Variants in ITPR2 observed in about 807,000 individuals in gnomAD.
ITPR2 encodes the protein inositol 1,4,5-trisphosphate-gated calcium channel ITPR2.
A neutral mutation model predicts 317.1 loss-of-function variants in ITPR2; 207 were observed. The observed-to-expected ratio is 0.65, with a 90% CI of 0.58 to 0.73. ITPR2 has a LOEUF of 0.73. Among genes scored for constraint, ITPR2 ranks in the 30% least tolerant of loss-of-function variants. The pLI is 0.00. For synonymous variants in ITPR2, 1,156 were observed against 1,149.1 expected (o/e 1.01, Z -0.12); for missense variants, 2,613 against 3,284.0 (o/e 0.80, Z 4.99).
At chr12:26,664,804 T>C (rs1373781199) in intron 14 of ITPR2, among the ~76,000 whole-genome samples, 2 of 152,102 alleles carry the variant, frequency 1.3e-5, no homozygotes, top group African/African-American at 4.8e-5. Flanking sequence ...TATATAATAA[T>C]TACTCGAAAA....
In ITPR2 at chr12:26,656,475, G is replaced by A. The variant is rs2136904331; in HGVS notation, c.2266C>T (p.Leu756=). Residue 756 remains leucine, a synonymous_variant, in exon 19 of 57, where the codon CTG becomes TTG. Transcript: ENST00000381340. ...YLAINQISTQ[L]SVDLILRCVS... Reference sequence around the variant, plus strand: ...CACCGCAGGATCAGGTCTACAGACAGCTGTGTAGAAATCTGGTTTATGGCC... The same window carrying A: ...CACCGCAGGATCAGGTCTACAGACAACTGTGTAGAAATCTGGTTTATGGCC... 1 of 1,614,266 alleles carries A rather than the reference G, an allele frequency of 6.2e-7. No homozygotes were observed.
rs548127344 is a variant in ITPR2 at position 26,719,082 on chromosome 12, C to G, written c.526-2840G>C. ...ACAATGATTACCTTGCCTAACCAAG[C>G]TGAATAAAACTTGCAAGTGAAATGG... On this transcript the variant is annotated intron_variant, in intron 5 of 56. Transcript: ENST00000381340. 4.7e-4 allele frequency among the ~76,000 whole-genome samples: 71 copies of G among 152,188 alleles called. No homozygotes were observed. In the Middle Eastern group the frequency reaches 0.02, roughly 44 times the overall value.
intron 55 of ITPR2, among the ~76,000 whole-genome samples, chr12:26,364,257 A>G (rs1938933661): frequency 6.6e-6 from 1 of 152,214 alleles, no homozygotes; most frequent in African/African-American, 2.4e-5. Flanking sequence ...ACCATCAGGC[A>G]GACTATATTA....
intron 9 of ITPR2, among the ~76,000 whole-genome samples, chr12:26,699,856 A>T (rs1948414326): frequency 6.6e-6 from 1 of 152,198 alleles, no homozygotes; most frequent in Non-Finnish European, 1.5e-5. Context: ...ATTATTTTTT[A>T]AAGAAGGAGG....
At chr12:26,752,999 G>T (rs1445719648) in intron 2 of ITPR2, among the ~76,000 whole-genome samples, 3 of 152,142 alleles carry the variant, frequency 2.0e-5, no homozygotes, top group African/African-American at 7.2e-5. Flanking sequence ...ATACTGAGGT[G>T]ACCCCCCACC....
At chr12:26,758,983 C>T (rs1453672757) in intron 2 of ITPR2, among the ~76,000 whole-genome samples, 1 of 152,214 alleles carries the variant, frequency 6.6e-6, no homozygotes. Flanking sequence ...AAACTTAAAC[C>T]TTCTGGACAT....
At chr12:26,766,654 T>C (rs548189849) in intron 2 of ITPR2, among the ~76,000 whole-genome samples, 1 of 152,326 alleles carries the variant, frequency 6.6e-6, no homozygotes, top group South Asian at 2.1e-4. Context: ...TTTTCTTTTG[T>C]CACCTATGGT....
chr12:26,513,774 A>ACACACC (rs909136529), intron 37 of ITPR2, among the ~76,000 whole-genome samples: 5 of 135,102 alleles, frequency 3.7e-5, no homozygotes, highest in African/African-American at 1.3e-4. Context: ...ACACACACAC[A>ACACACC]CACATGCAAC....
At chr12:26,453,985 A>C (rs1324601728) in intron 45 of ITPR2, among the ~76,000 whole-genome samples, 1 of 152,164 alleles carries the variant, frequency 6.6e-6, no homozygotes, top group African/African-American at 2.4e-5. Context: ...GAGTTGCTTA[A>C]TAAATATTTT....
At chr12:26,552,379 A>G (rs184291264) in intron 36 of ITPR2, among the ~76,000 whole-genome samples, 1 of 152,172 alleles carries the variant, frequency 6.6e-6, no homozygotes, top group East Asian at 1.9e-4. Context: ...TTGCAGAGAT[A>G]GGGTCTTGCT....
At chr12:26,605,115 TAA>T (rs773381558) in intron 26 of ITPR2, among the ~76,000 whole-genome samples, 3 of 87,066 alleles carry the variant, frequency 3.4e-5, no homozygotes, top group African/African-American at 8.2e-5. Flanking sequence ...AAATAAAAAA[TAA>T]AAAATAAAAA....
chr12:26,439,716 C>T (rs1403345404), intron 46 of ITPR2, among the ~76,000 whole-genome samples: 1 of 152,126 alleles, frequency 6.6e-6, no homozygotes, highest in South Asian at 2.1e-4. Flanking sequence ...TGTTCTTAGC[C>T]TCTTCATCCT....
chr12:26,722,441 A>G lies in ITPR2; in HGVS notation c.481T>C (p.Phe161Leu). 1 of 1,613,302 alleles carries G rather than the reference A, an allele frequency of 6.2e-7. No individual in the cohort carries two copies. Among genetic ancestry groups the G allele is most frequent in the Non-Finnish European group, 8.5e-7 (1 of 1,179,496 alleles). The part of the protein sequence containing the change: ...LDAAGNEGSW[F>L]YIHPFWKLRS... The stretch of plus-strand genomic sequence containing the variant: ...AGTTTCCAGAACGGATGAATATAAA[A>G]CCAAGACCCTTCATTTCCTGCAGCA... Residue 161 changes from phenylalanine to leucine, a missense_variant, in exon 5 of 57, where the codon TTT (phenylalanine) becomes CTT (leucine). Coordinates refer to ENST00000381340, the MANE Select transcript of ITPR2 (RefSeq NM_002223.4).
intron 37 of ITPR2, among the ~76,000 whole-genome samples, chr12:26,504,476 C>T (rs552111334): frequency 6.6e-6 from 1 of 150,796 alleles, no homozygotes; most frequent in Non-Finnish European, 1.5e-5. Context: ...ATAAGAAACA[C>T]ATACAGCCAA....
chr12:26,584,381 T>C (rs1293258307), intron 32 of ITPR2, among the ~76,000 whole-genome samples: 1 of 152,212 alleles, frequency 6.6e-6, no homozygotes, highest in Non-Finnish European at 1.5e-5. Flanking sequence ...TGTTCACCAC[T>C]GGACATGCAG....
intron 13 of ITPR2, among the ~76,000 whole-genome samples, chr12:26,668,285 G>A (rs906041069): frequency 7.9e-5 from 12 of 152,282 alleles, no homozygotes; most frequent in African/African-American, 2.9e-4. Context: ...ACAAACATAT[G>A]GCTTCTCTAA....
chr12:26,596,891 T>TGGGTCGTCGTACCAG lies in ITPR2; in HGVS notation c.4245_4246insCTGGTACGACGACCC (p.Cys1415_Ile1416insLeuValArgArgPro). 6.5e-7 allele frequency: 1 copy of TGGGTCGTCGTACCAG among 1,537,144 alleles called. No homozygotes were observed. The highest frequency in any genetic ancestry group is 1.3e-5 in the South Asian group (1 of 77,352). ...GCTTTTGCCAGGCTTACCTCAGGGATGCAGTCGTCATGGGTCACCACCCTC... is the reference window on the plus strand; with the variant it reads ...GCTTTTGCCAGGCTTACCTCAGGGATGGGTCGTCGTACCAGGCAGTCGTCATGGGTCACCACCCTC... On this transcript the variant is annotated inframe_insertion, in exon 31 of 57. Coordinates refer to ENST00000381340, the MANE Select transcript of ITPR2 (RefSeq NM_002223.4).
At chr12:26,764,626 A>G (rs1949689267) in intron 2 of ITPR2, among the ~76,000 whole-genome samples, 1 of 152,060 alleles carries the variant, frequency 6.6e-6, no homozygotes, top group Non-Finnish European at 1.5e-5. Flanking sequence ...ATAAATAAAT[A>G]AACCACAAAG....
intron 10 of ITPR2, among the ~76,000 whole-genome samples, chr12:26,691,396 AAAATACATT>A (rs1948237867): frequency 6.6e-6 from 1 of 152,214 alleles, no homozygotes; most frequent in Middle Eastern, 3.2e-3. Context: ...CTTCAGCATG[AAAATACATT>A]AAGGTACGAC....
Sources: gnomAD v4.1 joint callset for allele counts (sites outside exome capture counted in the v4.1 genomes callset) on GRCh38, gnomAD v4.1.1 for gene constraint, MANE v1.5 for transcripts, NCBI Gene and HGNC (gene_info 2026-07-23, HGNC 2026-07-21) for gene names.